The following ITGA9 variants were observed in gnomAD, a reference collection of about 807,000 sequenced individuals.
ITGA9 encodes the protein integrin alpha-9.
A neutral mutation model predicts 127.8 loss-of-function variants in ITGA9; 56 were observed. That is an observed-to-expected ratio of 0.44 (90% CI 0.35 to 0.55). ITGA9 has a LOEUF of 0.55. Ranked by LOEUF, ITGA9 falls within the 20% of genes least tolerant of loss-of-function variation. ITGA9 has a pLI of 0.00. For missense variants in ITGA9, 1,196 were observed against 1,347.1 expected (o/e 0.89, Z 1.76); for synonymous variants, 508 against 514.5 (o/e 0.99, Z 0.17).
intron 7 of ITGA9, among the ~76,000 whole-genome samples, chr3:37,506,823 A>G (rs1419783932): frequency 6.6e-6 from 1 of 152,202 alleles, no homozygotes; most frequent in African/African-American, 2.4e-5. Flanking sequence ...AGACTGAGTG[A>G]ACAGAGGAAT....
At chr3:37,669,418 C>T (rs1700616015) in intron 17 of ITGA9, among the ~76,000 whole-genome samples, 1 of 152,228 alleles carries the variant, frequency 6.6e-6, no homozygotes, top group African/African-American at 2.4e-5. Flanking sequence ...CACTCCTGCC[C>T]TGTCCCTGCC....
chr3:37,478,974 C>A (rs1374398892), intron 3 of ITGA9, among the ~76,000 whole-genome samples: 1 of 152,178 alleles, frequency 6.6e-6, no homozygotes, highest in Non-Finnish European at 1.5e-5. Flanking sequence ...TGTCAGTGTG[C>A]AGCTGGCTAT....
intron 14 of ITGA9, among the ~76,000 whole-genome samples, chr3:37,538,374 G>A (rs1699232438): frequency 6.6e-6 from 1 of 152,248 alleles, no homozygotes; most frequent in African/African-American, 2.4e-5. Flanking sequence ...GGGCAGGGAG[G>A]TGGCTGAAAG....
intron 18 of ITGA9, among the ~76,000 whole-genome samples, chr3:37,696,089 A>G (rs1370567848): frequency 6.6e-6 from 1 of 152,236 alleles, no homozygotes; most frequent in Non-Finnish European, 1.5e-5. Flanking sequence ...CTAAAGCTCC[A>G]CTTGACATTT....
At chr3:37,552,843 C>T (rs71323625) in intron 15 of ITGA9, among the ~76,000 whole-genome samples, 11,763 of 151,934 alleles carry the variant, frequency 0.077, 853 homozygotes, top group East Asian at 0.4. Context: ...GGTGAAACCC[C>T]GTTTCTACTA....
At chr3:37,564,677 T>C (rs966177256) in intron 15 of ITGA9, among the ~76,000 whole-genome samples, 6 of 152,218 alleles carry the variant, frequency 3.9e-5, no homozygotes, top group African/African-American at 1.4e-4. Context: ...TCAAGATGGA[T>C]ATACTTGCCC....
chr3:37,596,599 G>A (rs1342222119), intron 15 of ITGA9, among the ~76,000 whole-genome samples: 5 of 152,144 alleles, frequency 3.3e-5, no homozygotes, highest in Non-Finnish European at 2.9e-5. Context: ...CTGCTCCCCC[G>A]GAGGAGGACA....
At chr3:37,511,289 T>A (rs1405042612) in intron 8 of ITGA9, among the ~76,000 whole-genome samples, 1 of 152,264 alleles carries the variant, frequency 6.6e-6, no homozygotes, top group Admixed American at 6.5e-5. Context: ...GCAGTTCAGA[T>A]GTTAATACAG....
intron 6 of ITGA9, 150 bp from the exon 7 acceptor site, chr3:37,505,850 T>G: frequency 2.9e-6 from 2 of 698,588 alleles, no homozygotes; most frequent in Non-Finnish European, 5.2e-6. Context: ...CATTTCAGCA[T>G]GAGAAGGTTG....
Position 37,617,594 on chromosome 3 carries a change from G to A in ITGA9, c.1690-11593G>A, listed in dbSNP as rs1358628010. ...GTTCCATTTTCCCCGTCACTTTCAGGTACACCAATCAGACGTAGATTTGGT... is the reference window on the plus strand; with the variant it reads ...GTTCCATTTTCCCCGTCACTTTCAGATACACCAATCAGACGTAGATTTGGT... On this transcript the variant is annotated intron_variant, in intron 15 of 27. Transcript: ENST00000264741. Among the ~76,000 whole-genome samples the A allele has an allele frequency of 2.0e-5, 3 of 152,156 alleles. No individual in the cohort carries two copies. The East Asian group carries it at 5.8e-4, about 29-fold the overall frequency.
chr3:37,490,972 C>CA (rs1559519216), intron 4 of ITGA9, among the ~76,000 whole-genome samples: 1 of 135,946 alleles, frequency 7.4e-6, no homozygotes, highest in East Asian at 2.5e-4. Flanking sequence ...GGCTTCCCCC[C>CA]CGCTTTTTTT....
At chr3:37,621,390 G>A (rs992497094) in intron 15 of ITGA9, among the ~76,000 whole-genome samples, 2 of 152,162 alleles carry the variant, frequency 1.3e-5, no homozygotes, top group African/African-American at 4.8e-5. Flanking sequence ...CTCTTTCGTT[G>A]TTCCCCCATA....
At chr3:37,687,789 T>A (rs1297028606) in intron 18 of ITGA9, among the ~76,000 whole-genome samples, 2 of 152,204 alleles carry the variant, frequency 1.3e-5, no homozygotes, top group Non-Finnish European at 2.9e-5. Flanking sequence ...GGCTATTACC[T>A]CTTCCAGTTT....
chr3:37,505,818 T>C (rs937564409), intron 6 of ITGA9, among the ~76,000 whole-genome samples, 182 bp from the exon 7 acceptor site: 1 of 152,204 alleles, frequency 6.6e-6, no homozygotes, highest in African/African-American at 2.4e-5. Context: ...CTTGTGAACA[T>C]GACTTTTTGT....
intron 1 of ITGA9, among the ~76,000 whole-genome samples, chr3:37,455,493 G>T (rs1698245701): frequency 6.6e-6 from 1 of 152,096 alleles, no homozygotes; most frequent in African/African-American, 2.4e-5. Context: ...GGCTGCTCTA[G>T]TGCACTGAAA....
chr3:37,625,868 C>G (rs1440431833), intron 15 of ITGA9, among the ~76,000 whole-genome samples: 1 of 152,204 alleles, frequency 6.6e-6, no homozygotes, highest in Non-Finnish European at 1.5e-5. Context: ...TCCTCTGCCT[C>G]CACCCATGCC....
At chr3:37,664,442 T>TTA (rs1553655957) in intron 17 of ITGA9, among the ~76,000 whole-genome samples, 6 of 127,856 alleles carry the variant, frequency 4.7e-5, no homozygotes, top group Non-Finnish European at 8.1e-5. Flanking sequence ...TTTTTTTTTT[T>TTA]AGACGGAGTT....
At chr3:37,549,190 GA>G (rs1406090439) in intron 15 of ITGA9, among the ~76,000 whole-genome samples, 2 of 152,280 alleles carry the variant, frequency 1.3e-5, no homozygotes, top group South Asian at 4.1e-4. Context: ...AGGGTGTGGT[GA>G]ATGTTCAGCA....
chr3:37,791,528 C>T (rs557789324), intron 26 of ITGA9, among the ~76,000 whole-genome samples: 4 of 152,290 alleles, frequency 2.6e-5, no homozygotes, highest in Non-Finnish European at 4.4e-5. Flanking sequence ...TGCGTCCAGG[C>T]GCAGGAAGTC....
Sources: gnomAD v4.1 joint callset for allele counts (sites outside exome capture counted in the v4.1 genomes callset) on GRCh38, gnomAD v4.1.1 for gene constraint, MANE v1.5 for transcripts, NCBI Gene and HGNC (gene_info 2026-07-23, HGNC 2026-07-21) for gene names.